The following TMC7 variants were observed in gnomAD, a reference collection of about 807,000 sequenced individuals.
TMC7 encodes transmembrane channel-like protein 7.
A neutral mutation model predicts 82.9 loss-of-function variants in TMC7; 54 were observed. That is an observed-to-expected ratio of 0.65 (90% CI 0.52 to 0.82). The LOEUF (loss-of-function observed/expected upper bound fraction) is 0.82. Ranked by LOEUF, TMC7 falls within the 40% of genes least tolerant of loss-of-function variation. The pLI is 0.00. For missense variants in TMC7, 820 were observed against 901.2 expected, an observed-to-expected ratio of 0.91 and a Z score of 1.15; for synonymous variants, 350 against 337.9, an observed-to-expected ratio of 1.04 and a Z score of -0.39.
intron 11 of TMC7, among the ~76,000 whole-genome samples, chr16:19,045,808 G>A (rs1036384390): frequency 6.6e-6 from 1 of 151,980 alleles, no homozygotes; most frequent in African/African-American, 2.4e-5. Context: ...ATGTTAGCCA[G>A]GATGGTCTGG....
intron 5 of TMC7, among the ~76,000 whole-genome samples, chr16:19,027,527 CA>C (rs1960293399): frequency 6.6e-6 from 1 of 151,984 alleles, no homozygotes; most frequent in African/African-American, 2.4e-5. Context: ...ACAATTGAAC[CA>C]AGCTCATTAT....
chr16:19,059,503 G>GCATA lies in TMC7; in HGVS notation c.2106+10_2106+13dup, dbSNP rs1221690960. 1 of 1,614,148 alleles carries GCATA rather than the reference G, an allele frequency of 6.2e-7. No individual in the cohort carries two copies. The highest frequency in any genetic ancestry group is 1.7e-5 in the Admixed American group (1 of 60,006). On this transcript the variant is annotated intron_variant, in intron 15 of 15. Transcript: ENST00000304381. Reference sequence around the variant, plus strand: ...GAGAGCAGCTATCCCTGGTAAGGAAGCATAGCTCCAGAGGGTCATGGCTGG... The same window carrying GCATA: ...GAGAGCAGCTATCCCTGGTAAGGAAGCATACATAGCTCCAGAGGGTCATGGCTGG...
At position 19,052,880 on chromosome 16, in the gene TMC7, T is replaced by C. The variant is rs183049416; in HGVS notation, c.1871+1064T>C. On this transcript the variant is annotated intron_variant, in intron 13 of 15. Coordinates refer to ENST00000304381, the MANE Select transcript of TMC7 (RefSeq NM_024847.4). ...GGGACCTGCCACCACACCCAGCTAA[T>C]TTTTGTATTTTTAGTAGAGACAGGG... Among the ~76,000 whole-genome samples the C allele has an allele frequency of 2.1e-3, 318 of 152,134 alleles. 1 individual carries two copies. Among genetic ancestry groups the C allele is most frequent in the African/African-American group, 7.4e-3 (309 of 41,498 alleles).
intron 1 of TMC7, among the ~76,000 whole-genome samples, chr16:18,993,047 G>C (rs1054259045): frequency 6.6e-6 from 1 of 152,172 alleles, no homozygotes; most frequent in African/African-American, 2.4e-5. Flanking sequence ...CTCCAGCTTT[G>C]TTCTTTTGAA....
At chr16:19,061,740 A>G in intron 15 of TMC7, 38 bp from the exon 16 acceptor site, 1 of 1,578,292 alleles carries the variant, frequency 6.3e-7, no homozygotes, top group Non-Finnish European at 8.7e-7. Context: ...TTTGTTTCCA[A>G]ATATATTAAA....
At chr16:19,030,134 G>T (rs773407522) in intron 5 of TMC7, 90 bp from the exon 6 acceptor site, 140 of 1,370,488 alleles carry the variant, frequency 1.0e-4, no homozygotes, top group Non-Finnish European at 1.4e-4. Context: ...AGGGGACACT[G>T]GAACTTGTGT....
Position 19,013,506 on chromosome 16 carries a change from C to T in TMC7, c.312-2944C>T, listed in dbSNP as rs567622952. 6.6e-5 allele frequency among the ~76,000 whole-genome samples: 10 copies of T among 150,418 alleles called. No homozygotes were observed. In the South Asian group the frequency reaches 1.3e-3, roughly 19 times the overall value. On this transcript the variant is annotated intron_variant, in intron 2 of 15. Coordinates refer to ENST00000304381, the MANE Select transcript of TMC7 (RefSeq NM_024847.4). ...TCCTGGGATTACAGGCATGAGCCACCGTGCCTGGCCTATTTTATTTATTTT... is the reference window on the plus strand; with the variant it reads ...TCCTGGGATTACAGGCATGAGCCACTGTGCCTGGCCTATTTTATTTATTTT...
intron 12 of TMC7, among the ~76,000 whole-genome samples, chr16:19,049,870 A>T (rs1025514837): frequency 3.3e-5 from 5 of 152,178 alleles, no homozygotes; most frequent in African/African-American, 1.2e-4. Context: ...GAGAAATTTC[A>T]TGCCTGTTAC....
Position 19,030,216 on chromosome 16 carries a change from C to T in TMC7, c.712-8C>T, listed in dbSNP as rs201407524. ...CAGTCTGACTTCATGCTCTTGGCTT[C>T]GTTTCAGGGTTTCCTGGAGGAAACT... On this transcript the variant is annotated splice_polypyrimidine_tract_variant and splice_region_variant and intron_variant, in intron 5 of 15. Coordinates refer to ENST00000304381, the MANE Select transcript of TMC7 (RefSeq NM_024847.4). The T allele has an allele frequency of 4.5e-5, 72 of 1,607,936 alleles. No homozygotes were observed. Among genetic ancestry groups the T allele is most frequent in the Non-Finnish European group, 5.9e-5 (69 of 1,177,942 alleles).
At chr16:18,995,376 C>CA (rs1322762323) in intron 1 of TMC7, among the ~76,000 whole-genome samples, 4 of 152,174 alleles carry the variant, frequency 2.6e-5, no homozygotes, top group Admixed American at 1.3e-4. Flanking sequence ...CTGAGGTGAT[C>CA]AGGCAGCATC....
chr16:19,011,022 T>G (rs936760289), intron 2 of TMC7, among the ~76,000 whole-genome samples: 2 of 152,162 alleles, frequency 1.3e-5, no homozygotes, highest in African/African-American at 4.8e-5. Context: ...TTCCTCCCGC[T>G]AATGAGAAGA....
At chr16:19,040,232 A>G (rs996676470) in intron 8 of TMC7, 57 bp from the exon 9 acceptor site, 3 of 1,509,938 alleles carry the variant, frequency 2.0e-6, no homozygotes, top group Non-Finnish European at 2.7e-6. Context: ...TGTTCTATCT[A>G]TTTGTGGTGT....
At chr16:19,057,712 G>A (rs1961835035) in intron 14 of TMC7, among the ~76,000 whole-genome samples, 1 of 152,228 alleles carries the variant, frequency 6.6e-6, no homozygotes, top group Non-Finnish European at 1.5e-5. Flanking sequence ...GGGACTTCCA[G>A]GGGAATACTG....
At chr16:19,028,242 G>T (rs1304804965) in intron 5 of TMC7, among the ~76,000 whole-genome samples, 1 of 152,008 alleles carries the variant, frequency 6.6e-6, no homozygotes, top group Non-Finnish European at 1.5e-5. Context: ...CCCACCATAA[G>T]AAGTCAGTCA....
At position 18,984,077 on chromosome 16, in the gene TMC7, G is replaced by T. The variant is rs1315580951; in HGVS notation, c.14G>T (p.Ser5Ile). MSES[S>I]GSALQPGRPS... Reference sequence around the variant, plus strand: ...CGGGGCGCGGCCATGAGCGAGTCCAGCGGCAGTGCGCTCCAGCCCGGCAGG... The same window carrying T: ...CGGGGCGCGGCCATGAGCGAGTCCATCGGCAGTGCGCTCCAGCCCGGCAGG... The change falls in exon 1 of 16, where the codon AGC becomes ATC. Residue 5 changes from serine to isoleucine, a missense_variant. Coordinates refer to ENST00000304381, the MANE Select transcript of TMC7 (RefSeq NM_024847.4). The T allele has an allele frequency of 6.7e-7, 1 of 1,499,806 alleles. No individual in the cohort carries two copies. The highest frequency in any genetic ancestry group is 2.7e-5 in the East Asian group (1 of 36,570). 92.9% of individuals were successfully genotyped at this position (1,499,806 alleles called of 1,614,324 possible).
In TMC7 at chr16:19,040,441, C is replaced by A; in HGVS notation, c.1332C>A (p.Ile444=). 1 of 1,610,468 alleles carries A rather than the reference C, an allele frequency of 6.2e-7. No homozygotes were observed. The highest frequency in any genetic ancestry group is 8.5e-7 in the Non-Finnish European group (1 of 1,179,618). ...CAGGCTTTGAGATCCGTCTGACAAT[C>A]CTTAGGTAATGCCTAACATGAAGAT... ...YSPGFEIRLT[I]LRCVFMRLAT... Residue 444 remains isoleucine, a synonymous_variant, in exon 9 of 16, where the codon ATC becomes ATA. Transcript: ENST00000304381.
intron 8 of TMC7, among the ~76,000 whole-genome samples, 178 bp from the exon 9 acceptor site, chr16:19,040,111 A>G (rs1960939719): frequency 1.6e-5 from 1 of 60,680 alleles, no homozygotes; most frequent in African/African-American, 6.3e-5. Flanking sequence ...AGGAGACTCC[A>G]TCTCAAAAAA....
chr16:19,000,130 C>T (rs1422497904), intron 1 of TMC7, among the ~76,000 whole-genome samples: 1 of 151,912 alleles, frequency 6.6e-6, no homozygotes, highest in Non-Finnish European at 1.5e-5. Context: ...TAGCTGTAAA[C>T]ACAGATTATC....
At chr16:19,000,287 G>A (rs565473552) in intron 1 of TMC7, among the ~76,000 whole-genome samples, 7 of 151,972 alleles carry the variant, frequency 4.6e-5, no homozygotes, top group African/African-American at 1.7e-4. Flanking sequence ...CCAGCATGGT[G>A]AAATCTTGTC....
Sources: allele counts gnomAD v4.1 joint callset (sites outside exome capture counted in the v4.1 genomes callset), GRCh38; gene constraint gnomAD v4.1.1; transcripts MANE v1.5; gene names NCBI Gene and HGNC (gene_info 2026-07-23, HGNC 2026-07-21).